Variants in LMO7 observed in about 807,000 individuals in gnomAD.
LMO7 encodes LIM domain only protein 7.
Under a neutral mutation model 206.5 loss-of-function variants are expected in LMO7, and 120 were observed. The observed-to-expected ratio is 0.58, with a 90% CI of 0.50 to 0.68. The LOEUF (loss-of-function observed/expected upper bound fraction) is 0.68. Among genes scored for constraint, LMO7 ranks in the 30% least tolerant of loss-of-function variants. LMO7 has a pLI of 0.00. For synonymous variants in LMO7, 706 were observed against 681.5 expected, an observed-to-expected ratio of 1.04 and a Z score of -0.56; for missense variants, 1,959 against 1,957.9, an observed-to-expected ratio of 1.00 and a Z score of -0.01.
chr13:75,712,902 C>T (rs2043230902), intron 1 of LMO7, among the ~76,000 whole-genome samples: 1 of 151,462 alleles, frequency 6.6e-6, no homozygotes, highest in Non-Finnish European at 1.5e-5. Flanking sequence ...TTTAGTTTAG[C>T]TCTTTTGTGT....
At chr13:75,629,936 A>G (rs1015212366) in intron 2 of LMO7, among the ~76,000 whole-genome samples, 2 of 152,208 alleles carry the variant, frequency 1.3e-5, no homozygotes, top group Non-Finnish European at 2.9e-5. Flanking sequence ...GGGATGAGGT[A>G]GAAGTCAGAT....
intron 10 of LMO7, 125 bp from the exon 11 acceptor site, chr13:75,809,029 G>A (rs549823942): frequency 1.7e-5 from 13 of 747,788 alleles, no homozygotes; most frequent in African/African-American, 3.5e-5. Context: ...GAATGTGATG[G>A]AAGAAGTGAC....
intron 9 of LMO7, 66 bp from the exon 10 acceptor site, chr13:75,807,414 C>T (rs1382332917): frequency 2.0e-6 from 3 of 1,532,178 alleles, no homozygotes; most frequent in Non-Finnish European, 2.6e-6. Context: ...GCTAGTCGAT[C>T]TGCTAATTAC....
chr13:75,664,575 G>A (rs2139306604), intron 1 of LMO7, among the ~76,000 whole-genome samples: 1 of 152,256 alleles, frequency 6.6e-6, no homozygotes, highest in East Asian at 1.9e-4. Flanking sequence ...AAGGTAGCTA[G>A]CTCTGTTTTT....
intron 3 of LMO7, among the ~76,000 whole-genome samples, chr13:75,734,231 A>T (rs2045577448): frequency 6.6e-6 from 1 of 152,218 alleles, no homozygotes; most frequent in Non-Finnish European, 1.5e-5. Flanking sequence ...GTCCCAAGGT[A>T]GCTACTCAGA....
At chr13:75,741,990 C>T (rs1329837598) in intron 3 of LMO7, among the ~76,000 whole-genome samples, 1 of 152,158 alleles carries the variant, frequency 6.6e-6, no homozygotes, top group Non-Finnish European at 1.5e-5. Context: ...ATAGTCTCGG[C>T]CCCAAAGCTC....
intron 4 of LMO7, among the ~76,000 whole-genome samples, chr13:75,795,018 C>T (rs1288920548): frequency 1.3e-5 from 2 of 151,670 alleles, no homozygotes. Context: ...CCCCATTTCC[C>T]AGTTCTTTTT....
intron 3 of LMO7, among the ~76,000 whole-genome samples, chr13:75,735,117 G>A (rs905325038): frequency 2.4e-5 from 1 of 41,712 alleles, no homozygotes; most frequent in Non-Finnish European, 6.0e-5. Context: ...AAAAAATTAC[G>A]TGTGTGTGTG....
Position 75,845,334 on chromosome 13 carries a change from TC to T in LMO7, c.4107del (p.Arg1370AspfsTer20). On this transcript the variant is annotated frameshift_variant, in exon 26 of 31. Transcript: ENST00000377534. LOFTEE classifies it high-confidence loss of function. ...TTGTGTTCTGTGTTTTAGGAATAAATCCAGATCTACTACTGAACTGGATGAT... is the reference window on the plus strand; with the variant it reads ...TTGTGTTCTGTGTTTTAGGAATAAATCAGATCTACTACTGAACTGGATGAT... Reference protein sequence around the residue: ...SGFLPGDRNKSRSTTELDDYS... With the variant: ...SGFLPGDRNKXRSTTELDDYS... 1 of 1,545,546 alleles carries T rather than the reference TC, an allele frequency of 6.5e-7. No individual in the cohort carries two copies. Among genetic ancestry groups the T allele is most frequent in the Non-Finnish European group, 8.9e-7 (1 of 1,122,368 alleles).
chr13:75,634,604 G>C (rs1223484928), upstream of LMO7, among the ~76,000 whole-genome samples: 1 of 152,222 alleles, frequency 6.6e-6, no homozygotes, highest in Non-Finnish European at 1.5e-5. Context: ...TTAGCCAGGC[G>C]TGGTGACGGG....
intron 1 of LMO7, chr13:75,689,241 G>A (rs1309461175): frequency 6.6e-6 from 1 of 152,136 alleles, no homozygotes; most frequent in African/African-American, 2.4e-5. Flanking sequence ...CTTTAGAAAA[G>A]TGCTCTTCTG....
At chr13:75,678,200 T>C (rs1358971641) in intron 1 of LMO7, among the ~76,000 whole-genome samples, 1 of 152,202 alleles carries the variant, frequency 6.6e-6, no homozygotes, top group East Asian at 1.9e-4. Flanking sequence ...TAGTTCTAGA[T>C]CCCTGAGGAA....
At chr13:75,762,117 G>A (rs2048295589) in intron 4 of LMO7, among the ~76,000 whole-genome samples, 1 of 152,098 alleles carries the variant, frequency 6.6e-6, no homozygotes, top group Admixed American at 6.5e-5. Context: ...AACAATATAT[G>A]TTTTTAAATG....
chr13:75,853,026 G>T, intron 27 of LMO7, 66 bp from the exon 28 acceptor site: 2 of 1,294,878 alleles, frequency 1.5e-6, no homozygotes, highest in South Asian at 1.4e-5. Flanking sequence ...TGAATGGAAT[G>T]ATGAATTAAA....
intron 1 of LMO7, among the ~76,000 whole-genome samples, chr13:75,694,895 G>A (rs1395182232): frequency 6.6e-6 from 1 of 152,146 alleles, no homozygotes; most frequent in Non-Finnish European, 1.5e-5. Flanking sequence ...GCACCTAGCC[G>A]GTGAGCTCAG....
chr13:75,762,937 T>G (rs1252781370), intron 4 of LMO7, among the ~76,000 whole-genome samples: 2 of 152,194 alleles, frequency 1.3e-5, no homozygotes, highest in Non-Finnish European at 2.9e-5. Flanking sequence ...AAAAATGTTG[T>G]CCAAGTTCTT....
intron 4 of LMO7, among the ~76,000 whole-genome samples, chr13:75,769,159 G>C (rs1450722473): frequency 6.6e-6 from 1 of 151,952 alleles, no homozygotes; most frequent in African/African-American, 2.4e-5. Flanking sequence ...AAATAGAGTA[G>C]GCATGAATGT....
At chr13:75,852,712 C>T (rs1050356920) in intron 27 of LMO7, among the ~76,000 whole-genome samples, 14 of 152,300 alleles carry the variant, frequency 9.2e-5, no homozygotes, top group African/African-American at 3.4e-4. Context: ...CTGTTGTTGA[C>T]TTCCAGTACG....
At chr13:75,686,024 A>C (rs2040954231) in intron 1 of LMO7, among the ~76,000 whole-genome samples, 1 of 151,006 alleles carries the variant, frequency 6.6e-6, no homozygotes, top group Non-Finnish European at 1.5e-5. Context: ...ACAGGTGTGC[A>C]TGACCACTCC....
Sources: allele counts gnomAD v4.1 joint callset (sites outside exome capture counted in the v4.1 genomes callset), GRCh38; gene constraint gnomAD v4.1.1; transcripts MANE v1.5; gene names NCBI Gene and HGNC (gene_info 2026-07-23, HGNC 2026-07-21).